Variants in NALCN observed in about 807,000 individuals in gnomAD.
NALCN encodes the protein sodium leak channel NALCN.
A neutral mutation model predicts 225.3 loss-of-function variants in NALCN; 111 were observed. That is an observed-to-expected ratio of 0.49 (90% CI 0.42 to 0.58). The LOEUF (loss-of-function observed/expected upper bound fraction) is 0.58, where lower values mean the gene tolerates loss of function less well. Ranked by LOEUF, NALCN falls within the 20% of genes least tolerant of loss-of-function variation. The pLI is 0.00. For synonymous variants in NALCN, 764 were observed against 769.0 expected, an observed-to-expected ratio of 0.99 and a Z score of 0.11; for missense variants, 1,378 against 2,202.4, an observed-to-expected ratio of 0.63 and a Z score of 7.49.
At chr13:101,276,050 G>A (rs1231834112) in intron 10 of NALCN, among the ~76,000 whole-genome samples, 5 of 117,440 alleles carry the variant, frequency 4.3e-5, no homozygotes, top group African/African-American at 1.3e-4. Context: ...ATGACAGAGC[G>A]AGACTCCTTC....
intron 9 of NALCN, among the ~76,000 whole-genome samples, chr13:101,286,791 C>T (rs2043353074): frequency 6.6e-6 from 1 of 150,582 alleles, no homozygotes; most frequent in Non-Finnish European, 1.5e-5. Flanking sequence ...GGATGAGTTG[C>T]AAAAGAAACA....
At chr13:101,132,279 A>G (rs931445974) in intron 17 of NALCN, among the ~76,000 whole-genome samples, 11 of 147,798 alleles carry the variant, frequency 7.4e-5, no homozygotes, top group Admixed American at 2.0e-4. Context: ...ATAGTTTTAA[A>G]TTTCTGAATG....
intron 13 of NALCN, among the ~76,000 whole-genome samples, chr13:101,205,847 C>T (rs965122845): frequency 6.6e-5 from 10 of 151,988 alleles, no homozygotes; most frequent in Middle Eastern, 3.4e-3. Context: ...AACAGTGCTT[C>T]GAAAAACACA....
Position 101,178,590 on chromosome 13 carries a change from T to C in NALCN, c.1765-2216A>G, listed in dbSNP as rs148002889. 4.1e-3 allele frequency among the ~76,000 whole-genome samples: 627 copies of C among 152,276 alleles called. 6 individuals are homozygous for C. The highest frequency in any genetic ancestry group is 0.014 in the African/African-American group (594 of 41,566). ...AAGAGCCTCCGTCTCCCCTTCTCCG[T>C]AGAGGGTGGGAGTTTAGACATCTGG... is the stretch of plus-strand genomic sequence containing the variant. On this transcript the variant is annotated intron_variant, in intron 14 of 43. Coordinates refer to ENST00000251127, the MANE Select transcript of NALCN (RefSeq NM_052867.4).
At chr13:101,255,192 C>A (rs951237058) in intron 11 of NALCN, among the ~76,000 whole-genome samples, 1 of 151,996 alleles carries the variant, frequency 6.6e-6, no homozygotes, top group African/African-American at 2.4e-5. Flanking sequence ...AAGGATTTAC[C>A]AACTACCCCT....
intron 7 of NALCN, among the ~76,000 whole-genome samples, chr13:101,302,236 A>C (rs1486223692): frequency 6.6e-6 from 1 of 152,210 alleles, no homozygotes; most frequent in Non-Finnish European, 1.5e-5. Flanking sequence ...ATATTCAATA[A>C]AAATGAAAAT....
intron 10 of NALCN, among the ~76,000 whole-genome samples, chr13:101,262,539 C>A (rs527753033): frequency 6.6e-6 from 1 of 152,190 alleles, no homozygotes. Context: ...TTCATTTCTT[C>A]TGGGTATTTA....
chr13:101,315,554 A>T lies in NALCN; in HGVS notation c.800-23188T>A, dbSNP rs193161462. Among the ~76,000 whole-genome samples the T allele has an allele frequency of 2.0e-5, 3 of 152,298 alleles. No homozygotes were observed. In the East Asian group the frequency reaches 5.8e-4, roughly 29 times the overall value. ...AGTTTCTATGTAGAAATTAAGGGAG[A>T]AATTCTACATTAATTTAAGATATAA... On this transcript the variant is annotated intron_variant, in intron 7 of 43. Coordinates refer to ENST00000251127, the MANE Select transcript of NALCN (RefSeq NM_052867.4).
rs1238791555 is a variant in NALCN, at chr13:101,054,473, A to AAAT, written c.*819_*821dup. The AAAT allele has an allele frequency of 6.6e-6, 1 of 152,230 alleles. No individual in the cohort carries two copies. Among genetic ancestry groups the AAAT allele is most frequent in the East Asian group, 1.9e-4 (1 of 5,206 alleles). 9.4% of individuals were successfully genotyped at this position (152,230 alleles called of 1,614,324 possible). On this transcript the variant is annotated 3_prime_UTR_variant, in exon 44 of 44. Transcript: ENST00000251127. Reference sequence around the variant, plus strand: ...CACACATGCAAAGATTTTTTTAAATAAATTGAGCTATATAGTTTTATTCTT... The same window carrying AAAT: ...CACACATGCAAAGATTTTTTTAAATAAATAATTGAGCTATATAGTTTTATTCTT...
rs545701661 is a variant in NALCN at position 101,203,852 on chromosome 13, C to T, written c.1627-11798G>A. Among the ~76,000 whole-genome samples, 166 of 152,332 alleles carry T rather than the reference C, an allele frequency of 1.1e-3. 1 individual carries two copies. Among genetic ancestry groups the T allele is most frequent in the African/African-American group, 3.7e-3 (155 of 41,568 alleles). On this transcript the variant is annotated intron_variant, in intron 13 of 43. Transcript: ENST00000251127. ...CTATAAAAGTTAAACAAAGAAGCTACAGTGACTTCTTACTAATAGATGCTA... is the reference window on the plus strand; with the variant it reads ...CTATAAAAGTTAAACAAAGAAGCTATAGTGACTTCTTACTAATAGATGCTA...
chr13:101,401,109 T>A (rs2047467039), intron 1 of NALCN, among the ~76,000 whole-genome samples: 1 of 152,200 alleles, frequency 6.6e-6, no homozygotes, highest in African/African-American at 2.4e-5. Context: ...CACCTCCTAT[T>A]CCCAGAAGAA....
intron 28 of NALCN, among the ~76,000 whole-genome samples, chr13:101,094,641 C>A (rs2034409489): frequency 6.6e-6 from 1 of 151,950 alleles, no homozygotes; most frequent in Non-Finnish European, 1.5e-5. Flanking sequence ...AAGCCACATA[C>A]CCCAAATGAA....
intron 6 of NALCN, among the ~76,000 whole-genome samples, chr13:101,356,183 A>G (rs2046053722): frequency 6.6e-6 from 1 of 152,208 alleles, no homozygotes. Context: ...GAAGACAAGA[A>G]ATAACTAAGA....
At chr13:101,253,428 T>A (rs1401107063) in intron 11 of NALCN, among the ~76,000 whole-genome samples, 1 of 152,186 alleles carries the variant, frequency 6.6e-6, no homozygotes, top group Non-Finnish European at 1.5e-5. Flanking sequence ...GATCCATTTT[T>A]AAAATAAACT....
At chr13:101,359,574 A>G (rs1268448355) in intron 6 of NALCN, among the ~76,000 whole-genome samples, 2 of 152,352 alleles carry the variant, frequency 1.3e-5, no homozygotes, top group Non-Finnish European at 2.9e-5. Context: ...AGACTGTCGC[A>G]CTACAGAGTT....
chr13:101,332,397 C>CAAAAAAAAAAAAAAAAAAAAAAAAGAA, intron 7 of NALCN, among the ~76,000 whole-genome samples: 1 of 57,854 alleles, frequency 1.7e-5, no homozygotes, highest in Admixed American at 2.2e-4. Flanking sequence ...TTCACAAAGC[C>CAAAAAAAAAAAAAAAAAAAAAAAAGAA]AAAAAAAAAA....
chr13:101,187,398 ATTTG>A (rs1392106798), intron 14 of NALCN, among the ~76,000 whole-genome samples: 1 of 152,154 alleles, frequency 6.6e-6, no homozygotes, highest in Non-Finnish European at 1.5e-5. Flanking sequence ...TACAATTATT[ATTTG>A]TTAACTAAAA....
At chr13:101,219,294 C>T (rs145103913) in intron 13 of NALCN, among the ~76,000 whole-genome samples, 7 of 152,164 alleles carry the variant, frequency 4.6e-5, no homozygotes, top group African/African-American at 7.2e-5. Flanking sequence ...ATTATGCAGA[C>T]GCTTCTGATT....
rs370214580 is a variant in NALCN at position 101,068,688 on chromosome 13, C to T, written c.4330+7G>A. ...AGAGTAAAAAGTATTCAACTAACAT[C>T]ACTTACCTACAAGCAGATTTAGCAT... On this transcript the variant is annotated splice_region_variant and intron_variant, in intron 38 of 43. Transcript: ENST00000251127. The T allele has an allele frequency of 6.3e-7, 1 of 1,588,320 alleles. No individual in the cohort carries two copies. The highest frequency in any genetic ancestry group is 8.6e-7 in the Non-Finnish European group (1 of 1,169,112).
Sources: allele counts gnomAD v4.1 joint callset (sites outside exome capture counted in the v4.1 genomes callset), GRCh38; gene constraint gnomAD v4.1.1; transcripts MANE v1.5; gene names NCBI Gene and HGNC (gene_info 2026-07-23, HGNC 2026-07-21).